The following TNRC6B variants were observed in gnomAD, a reference collection of about 807,000 sequenced individuals.
TNRC6B encodes the protein trinucleotide repeat containing adaptor 6B.
TNRC6B carries 52 observed loss-of-function variants against 203.6 expected under a neutral mutation model. That is an observed-to-expected ratio of 0.26 (90% confidence interval 0.20 to 0.32). The LOEUF is 0.32. Among genes scored for constraint, TNRC6B ranks in the 10% least tolerant of loss-of-function variants. The pLI is 1.00. For missense variants in TNRC6B, 1,923 were observed against 2,286.2 expected (o/e 0.84, Z 3.24); for synonymous variants, 838 against 845.7 (o/e 0.99, Z 0.16).
upstream of TNRC6B, among the ~76,000 whole-genome samples, chr22:40,174,719 G>A (rs1297749435): frequency 6.6e-6 from 1 of 151,872 alleles, no homozygotes; most frequent in Non-Finnish European, 1.5e-5. Flanking sequence ...CAGCTATTCG[G>A]GAGGCTGAGG....
At chr22:40,155,070 A>C (rs896656439) in intron 3 of TNRC6B, among the ~76,000 whole-genome samples, 2 of 151,076 alleles carry the variant, frequency 1.3e-5, no homozygotes, top group African/African-American at 2.4e-5. Context: ...ATTTTCATGC[A>C]ATATAGTATT....
intron 1 of TNRC6B, among the ~76,000 whole-genome samples, chr22:40,242,523 C>G (rs1656592451): frequency 2.0e-5 from 3 of 151,746 alleles, no homozygotes; most frequent in Admixed American, 2.0e-4. Context: ...CTCCGCCTCC[C>G]AGGTTCAAGC....
intron 2 of TNRC6B, among the ~76,000 whole-genome samples, chr22:40,120,137 T>A (rs1452865157): frequency 6.6e-6 from 1 of 152,066 alleles, no homozygotes; most frequent in East Asian, 1.9e-4. Context: ...GCAGGTGGAT[T>A]GCTTGAGCTC....
intron 19 of TNRC6B, 33 bp from the exon 20 acceptor site, chr22:40,315,250 C>A: frequency 1.9e-6 from 3 of 1,581,352 alleles, no homozygotes; most frequent in Non-Finnish European, 2.6e-6. Flanking sequence ...AACCGTCTAA[C>A]CTTATTCCTT....
At chr22:40,104,222 G>T (rs1036818034) in intron 1 of TNRC6B, among the ~76,000 whole-genome samples, 2 of 152,090 alleles carry the variant, frequency 1.3e-5, no homozygotes, top group Non-Finnish European at 2.9e-5. Flanking sequence ...TTGCATTCCA[G>T]CCTGGACAAC....
At chr22:40,138,724 T>C (rs906622902) in intron 3 of TNRC6B, among the ~76,000 whole-genome samples, 2 of 152,108 alleles carry the variant, frequency 1.3e-5, no homozygotes, top group Non-Finnish European at 2.9e-5. Context: ...TAGATGGGGC[T>C]GGGAGATGAG....
intron 1 of TNRC6B, among the ~76,000 whole-genome samples, chr22:40,092,453 C>T (rs2068157948): frequency 6.6e-6 from 1 of 150,906 alleles, no homozygotes; most frequent in African/African-American, 2.4e-5. Flanking sequence ...TTATTGGAAA[C>T]TGAACATAGA....
intron 1 of TNRC6B, among the ~76,000 whole-genome samples, chr22:40,190,475 A>G (rs2069256969): frequency 6.6e-6 from 1 of 152,254 alleles, no homozygotes; most frequent in African/African-American, 2.4e-5. Flanking sequence ...GAAAATGGCC[A>G]TGGCAGATTT....
At chr22:40,238,580 A>T (rs952788020) in intron 1 of TNRC6B, among the ~76,000 whole-genome samples, 4 of 151,960 alleles carry the variant, frequency 2.6e-5, no homozygotes, top group Non-Finnish European at 4.4e-5. Flanking sequence ...TCACTGATTG[A>T]CATTTGCCAC....
At chr22:40,224,748 C>T (rs1294858924) in intron 1 of TNRC6B, among the ~76,000 whole-genome samples, 2 of 152,206 alleles carry the variant, frequency 1.3e-5, no homozygotes, top group African/African-American at 2.4e-5. Flanking sequence ...CTCTTCCTCC[C>T]GTTTAAATAC....
At chr22:40,108,406 G>A (rs181779688) in intron 1 of TNRC6B, among the ~76,000 whole-genome samples, 2 of 152,346 alleles carry the variant, frequency 1.3e-5, no homozygotes, top group East Asian at 3.9e-4. Flanking sequence ...GTTCTTGGAA[G>A]TTAGGGCTTA....
At chr22:40,271,948 CTCTTA>C (rs1453352206) in intron 6 of TNRC6B, among the ~76,000 whole-genome samples, 1 of 151,058 alleles carries the variant, frequency 6.6e-6, no homozygotes, top group African/African-American at 2.4e-5. Flanking sequence ...AATTAGACCT[CTCTTA>C]TCTTTTCTGT....
At chr22:40,064,987 T>G (rs5995801) in intron 1 of TNRC6B, among the ~76,000 whole-genome samples, 2 of 152,266 alleles carry the variant, frequency 1.3e-5, no homozygotes, top group African/African-American at 4.8e-5. Flanking sequence ...CACATCTATG[T>G]TCATAAGAGA....
intron 21 of TNRC6B, among the ~76,000 whole-genome samples, chr22:40,319,839 G>A (rs1043654983): frequency 1.3e-5 from 2 of 152,182 alleles, no homozygotes; most frequent in Admixed American, 6.5e-5. Context: ...GTGGTTTCAG[G>A]CCTCCACTGG....
intron 3 of TNRC6B, among the ~76,000 whole-genome samples, chr22:40,254,102 G>A (rs1349766307): frequency 2.0e-5 from 3 of 152,164 alleles, no homozygotes; most frequent in Non-Finnish European, 4.4e-5. Flanking sequence ...GAATAGGGTA[G>A]AGATTTCAAG....
chr22:40,145,142 A>C (rs1289854797), intron 3 of TNRC6B, among the ~76,000 whole-genome samples: 3 of 150,332 alleles, frequency 2.0e-5, no homozygotes, highest in Non-Finnish European at 4.4e-5. Context: ...GCTATTCGGG[A>C]GGCTAAGGTG....
intron 12 of TNRC6B, 27 bp downstream of exon 12, chr22:40,285,797 C>G (rs371016313): frequency 1.2e-6 from 2 of 1,610,916 alleles, no homozygotes; most frequent in South Asian, 1.1e-5. Flanking sequence ...TCCTGTGATT[C>G]AAAATGAAAG....
Position 40,225,698 on chromosome 22 carries a change from G to A in TNRC6B, c.6-20317G>A, listed in dbSNP as rs187331520. Among the ~76,000 whole-genome samples, 44 of 134,216 alleles carry A rather than the reference G, an allele frequency of 3.3e-4. 1 individual carries two copies. The Middle Eastern group carries it at 0.022, about 67-fold the overall frequency. The allele number at this position is 134,216 out of a possible 152,430, so 88.1% of individuals were successfully genotyped here. A position where few individuals can be genotyped will look rare whatever the true frequency, so the allele number is the denominator to read the frequency against. Reference sequence around the variant, plus strand: ...GCAGAGGTTGCAGTGAGCCAAAATCGTGCCACTCCACTCCAGCCTGAGCGA... The same window carrying A: ...GCAGAGGTTGCAGTGAGCCAAAATCATGCCACTCCACTCCAGCCTGAGCGA... On this transcript the variant is annotated intron_variant, in intron 1 of 22. Transcript: ENST00000454349.
chr22:40,080,837 GTTTTTTTT>G (rs58040463), intron 1 of TNRC6B, among the ~76,000 whole-genome samples: 1 of 134,490 alleles, frequency 7.4e-6, no homozygotes, highest in Admixed American at 7.5e-5. Context: ...TTTCTTTTTT[GTTTTTTTT>G]TTTTTTCATG....
Sources: gnomAD v4.1 joint callset for allele counts (sites outside exome capture counted in the v4.1 genomes callset) on GRCh38, gnomAD v4.1.1 for gene constraint, MANE v1.5 for transcripts, NCBI Gene and HGNC (gene_info 2026-07-23, HGNC 2026-07-21) for gene names.